DOT1L: variants seen among roughly 807,000 people sequenced by gnomAD.
DOT1L encodes histone-lysine N-methyltransferase, H3 lysine-79 specific.
In DOT1L, 33 loss-of-function variants were observed where a neutral mutation model predicts 153.3. That is an observed-to-expected ratio of 0.22 (90% CI 0.16 to 0.29). The LOEUF (loss-of-function observed/expected upper bound fraction) is 0.29. Ranked by LOEUF, DOT1L falls within the 10% of genes least tolerant of loss-of-function variation. The pLI is 1.00. For synonymous variants in DOT1L, 1,135 were observed against 965.1 expected (o/e 1.18, Z -3.26); for missense variants, 1,847 against 2,119.9 (o/e 0.87, Z 2.53).
intron 27 of DOT1L, chr19:2,228,625 A>T: frequency 3.0e-6 from 3 of 985,350 alleles, no homozygotes; most frequent in Non-Finnish European, 3.6e-6. Context: ...GTGACGCCGC[A>T]GGACTGAGGC....
intron 1 of DOT1L, among the ~76,000 whole-genome samples, chr19:2,169,308 G>A (rs914962792): frequency 3.9e-5 from 6 of 152,184 alleles, no homozygotes; most frequent in Admixed American, 1.3e-4. Flanking sequence ...TTAACCTTTA[G>A]GCAGCTTTGT....
intron 1 of DOT1L, among the ~76,000 whole-genome samples, chr19:2,175,543 T>C (rs1280747351): frequency 6.6e-6 from 1 of 152,222 alleles, no homozygotes; most frequent in Non-Finnish European, 1.5e-5. Flanking sequence ...TAAAAAATTG[T>C]TCTGGCTGGA....
chr19:2,186,150 T>C (rs1463591644), intron 3 of DOT1L, among the ~76,000 whole-genome samples: 2 of 152,224 alleles, frequency 1.3e-5, no homozygotes, highest in African/African-American at 4.8e-5. Context: ...GAAACTCCGG[T>C]TGTGGAAAGT....
In DOT1L at chr19:2,231,289, A is replaced by G. The variant is rs1202708604; in HGVS notation, c.*1497A>G. On this transcript the variant is annotated 3_prime_UTR_variant, in exon 28 of 28. Transcript: ENST00000398665. Reference sequence around the variant, plus strand: ...ATGGCATCGGGGAGCCCCTTCCCCAAGGTGCCACAGATCCACCCTCCAGGG... The same window carrying G: ...ATGGCATCGGGGAGCCCCTTCCCCAGGGTGCCACAGATCCACCCTCCAGGG... 2.3e-5 allele frequency: 5 copies of G among 221,882 alleles called. No individual in the cohort carries two copies. Among genetic ancestry groups the G allele is most frequent in the African/African-American group, 1.1e-4 (5 of 44,664 alleles). The allele number at this position is 221,882 out of a possible 1,614,324, so 13.7% of individuals were successfully genotyped here. A position where few individuals can be genotyped will look rare whatever the true frequency, so the allele number is the denominator to read the frequency against.
chr19:2,202,893 C>G (rs2023346104), intron 9 of DOT1L, 114 bp downstream of exon 9: 1 of 955,758 alleles, frequency 1.0e-6, no homozygotes, highest in Non-Finnish European at 1.6e-6. Flanking sequence ...GTCTTCAGTC[C>G]CCTTGGAGCC....
At chr19:2,187,374 C>T (rs549168484) in intron 3 of DOT1L, among the ~76,000 whole-genome samples, 44 of 152,354 alleles carry the variant, frequency 2.9e-4, no homozygotes, top group African/African-American at 9.6e-4. Context: ...GGGTGTGTGG[C>T]GTCCTTCCTC....
rs1367792060 is a variant in DOT1L, at chr19:2,204,846, C to T, written c.788-1883C>T. ...TGTGTGCCCAGCCTGGCCCTGGAAC[C>T]GCCCTTCCTGCTCCTCCTGAGGGGA... is the stretch of plus-strand genomic sequence containing the variant. On this transcript the variant is annotated intron_variant, in intron 9 of 27. Transcript: ENST00000398665. This position sits in a 1 kb window ranked among gnomAD's most constrained non-coding sequence, Gnocchi z 5.7. Among the ~76,000 whole-genome samples, 5 of 152,344 alleles carry T rather than the reference C, an allele frequency of 3.3e-5. No individual in the cohort carries two copies. The highest frequency in any genetic ancestry group is 3.9e-4 in the East Asian group (2 of 5,188).
Position 2,164,030 on chromosome 19 carries a change from CGCG to C in DOT1L, c.-134_-132del, listed in dbSNP as rs576715318. 1.6e-3 allele frequency: 475 copies of C among 300,074 alleles called. No homozygotes were observed. The highest frequency in any genetic ancestry group is 2.1e-3 in the Non-Finnish European group (406 of 192,248). 18.6% of individuals were successfully genotyped at this position (300,074 alleles called of 1,614,324 possible). On this transcript the variant is annotated 5_prime_UTR_variant, in exon 1 of 28. Coordinates refer to ENST00000398665, the MANE Select transcript of DOT1L (RefSeq NM_032482.3). ...AGTCGGGGGCCGGGCCGGACCGGAG[CGCG>C]GCGGCGGCGGCGGCGGCGGCCGAGG...
chr19:2,200,950 G>A (rs369150622), intron 8 of DOT1L, among the ~76,000 whole-genome samples: 6 of 124,306 alleles, frequency 4.8e-5, no homozygotes, highest in South Asian at 2.7e-4. Context: ...CGCATTCCTC[G>A]TCCTCCCCGC....
At chr19:2,209,055 GGT>G in intron 12 of DOT1L, 79 bp downstream of exon 12, 2 of 1,519,034 alleles carry the variant, frequency 1.3e-6, no homozygotes. Flanking sequence ...TGCGCAGCCG[GGT>G]TCAGGAGCCA....
chr19:2,186,144 C>G (rs529754353), intron 3 of DOT1L, among the ~76,000 whole-genome samples: 148 of 152,366 alleles, frequency 9.7e-4, no homozygotes, highest in Non-Finnish European at 1.9e-3. Flanking sequence ...GAATTGGAAA[C>G]TCCGGTTGTG....
chr19:2,164,260 G>T lies in DOT1L; in HGVS notation c.76G>T (p.Val26Phe). Reference sequence around the variant, plus strand: ...CGCCGTCTACCCGTGGCCGCTGCCGGTCTACGTGAGTGCCGCCCTCCACCG... The same window carrying T: ...CGCCGTCTACCCGTGGCCGCTGCCGTTCTACGTGAGTGCCGCCCTCCACCG... ...EPAVYPWPLPVYDKHHDAAHE... is the reference protein window; with the variant it reads ...EPAVYPWPLPFYDKHHDAAHE... The change falls in exon 1 of 28, where the codon GTC (valine) becomes TTC (phenylalanine). Residue 26 changes from valine (V) to phenylalanine (F), a missense_variant. Coordinates refer to ENST00000398665, the MANE Select transcript of DOT1L (RefSeq NM_032482.3). The T allele has an allele frequency of 7.9e-7, 1 of 1,273,820 alleles. No homozygotes were observed. The allele number at this position is 1,273,820 out of a possible 1,614,324, so 78.9% of individuals were successfully genotyped here. A position where few individuals can be genotyped will look rare whatever the true frequency, so the allele number is the denominator to read the frequency against.
chr19:2,214,808 G>A (rs2023839441), intron 19 of DOT1L: 3 of 618,134 alleles, frequency 4.9e-6, no homozygotes, highest in Non-Finnish European at 7.8e-6. Flanking sequence ...AGCTCTCGGG[G>A]GCATCTCGGG....
At chr19:2,201,169 C>G in intron 8 of DOT1L, among the ~76,000 whole-genome samples, 6 of 142,188 alleles carry the variant, frequency 4.2e-5, no homozygotes, top group African/African-American at 1.1e-4. Context: ...ATTCCTCGTC[C>G]TCCCCGCATT....
chr19:2,222,006 G>A lies in DOT1L; in HGVS notation c.2837G>A (p.Ser946Asn), dbSNP rs1426637872. The A allele has an allele frequency of 6.2e-7, 1 of 1,610,992 alleles. No individual in the cohort carries two copies. The highest frequency in any genetic ancestry group is 8.5e-7 in the Non-Finnish European group (1 of 1,178,992). ...GFSYAGSVAISGALAGSPASL... is the reference protein window; with the variant it reads ...GFSYAGSVAINGALAGSPASL... ...TCCTACGCTGGCTCGGTGGCCATCA[G>A]CGGGGCCTTGGCGGGCAGCCCGGCC... Residue 946 changes from serine to asparagine, a missense_variant, in exon 24 of 28, where the codon AGC (serine) becomes AAC (asparagine). Physicochemically the swap from Ser to Asn is conservative, Grantham distance 46. Around this residue, in one of 8 missense-constraint regions of DOT1L, gnomAD observed 68 missense variants for 80.7 expected, o/e 0.84. Transcript: ENST00000398665. This position sits in a 1 kb window ranked among gnomAD's most constrained non-coding sequence, Gnocchi z 6.5.
At chr19:2,218,625 C>A (rs1354257688) in intron 22 of DOT1L, among the ~76,000 whole-genome samples, 11 of 152,048 alleles carry the variant, frequency 7.2e-5, no homozygotes, top group Non-Finnish European at 1.0e-4. Flanking sequence ...GATCTCCTGA[C>A]CTAGTGATCC....
intron 22 of DOT1L, among the ~76,000 whole-genome samples, chr19:2,219,828 G>A (rs1304356698): frequency 6.6e-6 from 1 of 152,070 alleles, no homozygotes; most frequent in Non-Finnish European, 1.5e-5. Context: ...GTTGTGCCCA[G>A]TACCCCCTCC....
intron 1 of DOT1L, 130 bp from the exon 2 acceptor site, chr19:2,180,583 G>T: frequency 9.0e-7 from 1 of 1,105,934 alleles, no homozygotes; most frequent in Admixed American, 2.1e-5. Flanking sequence ...GCTGGGTGGT[G>T]GGCTTGGGAG....
At chr19:2,168,397 G>A (rs1260943476) in intron 1 of DOT1L, among the ~76,000 whole-genome samples, 3 of 152,218 alleles carry the variant, frequency 2.0e-5, no homozygotes, top group African/African-American at 4.8e-5. Context: ...GGTCCCCAGG[G>A]AGGGGCTGCC....
Sources: allele counts gnomAD v4.1 joint callset (sites outside exome capture counted in the v4.1 genomes callset), GRCh38; gene constraint gnomAD v4.1.1; regional missense constraint gnomAD v4.1.1; non-coding constraint Gnocchi (gnomAD v3.1); transcripts MANE v1.5; gene names NCBI Gene and HGNC (gene_info 2026-07-23, HGNC 2026-07-21).